The following ELAVL4 variants were observed in gnomAD, a reference collection of about 807,000 sequenced individuals.
ELAVL4 encodes ELAV like RNA binding protein 4, also known as ELAV-like protein 4.
ELAVL4 carries 1 observed loss-of-function variant against 35.6 expected under a neutral mutation model. The ratio of observed to expected loss-of-function variants is 0.03; its 90% CI spans 0.01 to 0.13. ELAVL4 has a LOEUF of 0.13. Ranked by LOEUF, ELAVL4 falls within the 10% of genes least tolerant of loss-of-function variation. ELAVL4 has a pLI of 1.00. For missense variants in ELAVL4, 267 were observed against 464.9 expected (o/e 0.57, Z 3.91); for synonymous variants, 156 against 171.0 (o/e 0.91, Z 0.69).
At chr1:50,131,474 A>G (rs1468617916) in intron 1 of ELAVL4, among the ~76,000 whole-genome samples, 2 of 152,052 alleles carry the variant, frequency 1.3e-5, no homozygotes, top group East Asian at 1.9e-4. Flanking sequence ...AAAAATACAT[A>G]CAGTAGGAGT....
At chr1:50,140,104 C>A (rs1307511870) in intron 1 of ELAVL4, among the ~76,000 whole-genome samples, 1 of 152,192 alleles carries the variant, frequency 6.6e-6, no homozygotes, top group African/African-American at 2.4e-5. Flanking sequence ...ATGATCTATC[C>A]TGGATGCTGA....
intron 1 of ELAVL4, among the ~76,000 whole-genome samples, chr1:50,116,789 A>G (rs1355668342): frequency 6.6e-6 from 1 of 152,086 alleles, no homozygotes; most frequent in African/African-American, 2.4e-5. Context: ...TGTGATTTTT[A>G]CCAGATTTGA....
At chr1:50,048,525 C>T (rs1572087694) in intron 1 of ELAVL4, among the ~76,000 whole-genome samples, 2 of 152,310 alleles carry the variant, frequency 1.3e-5, no homozygotes, top group East Asian at 3.9e-4. Context: ...CCGCAGCAGC[C>T]CCGCGCCACT....
rs571805642 is a variant in ELAVL4 at position 50,116,201 on chromosome 1, G to A, written c.9+7003G>A. 2.0e-5 allele frequency among the ~76,000 whole-genome samples: 3 copies of A among 152,114 alleles called. No individual in the cohort carries two copies. The South Asian group carries it at 6.2e-4, about 32-fold the overall frequency. On this transcript the variant is annotated intron_variant, in intron 1 of 6. Coordinates refer to ENST00000371824, the MANE Select transcript of ELAVL4 (RefSeq NM_001144774.3). ...AGTCAGCAGCCCATGAAGCTTGGCT[G>A]AAACTGGTTAATTTTACAGAAACAC...
chr1:50,086,825 G>C (rs1344589731), intron 1 of ELAVL4, among the ~76,000 whole-genome samples: 1 of 152,024 alleles, frequency 6.6e-6, no homozygotes, highest in Non-Finnish European at 1.5e-5. Context: ...AGAGAGGGGT[G>C]GTTGTGTATT....
chr1:50,119,094 A>AG, intron 1 of ELAVL4, among the ~76,000 whole-genome samples: 1 of 105,514 alleles, frequency 9.5e-6, no homozygotes, highest in Non-Finnish European at 2.0e-5. Context: ...GAAAGAAAGA[A>AG]AAAGAAAAAG....
Position 50,057,377 on chromosome 1 carries a change from C to A in ELAVL4, c.18+9195C>A, listed in dbSNP as rs919055848. On this transcript the variant is annotated intron_variant, in intron 1 of 6. Coordinates refer to the ELAVL4 transcript ENST00000448907. ...GTTAATTTATTATTAAAAGAAAAAA[C>A]ATTTTTATAAATTCAGTGTAGCCTA... Among the ~76,000 whole-genome samples the A allele has an allele frequency of 6.2e-4, 94 of 151,936 alleles. 1 individual carries two copies. The highest frequency in any genetic ancestry group is 2.2e-3 in the African/African-American group (91 of 41,382).
chr1:50,189,393 G>A (rs1240635564), intron 3 of ELAVL4, among the ~76,000 whole-genome samples: 2 of 152,250 alleles, frequency 1.3e-5, no homozygotes, highest in African/African-American at 4.8e-5. Flanking sequence ...GACAACGCCT[G>A]CTTTACCCAC....
intron 3 of ELAVL4, among the ~76,000 whole-genome samples, chr1:50,182,068 T>G (rs936770510): frequency 3.3e-4 from 51 of 152,360 alleles, no homozygotes; most frequent in South Asian, 4.1e-4. Flanking sequence ...TTCCTGGTAC[T>G]CCTTGACCCC....
intron 1 of ELAVL4, among the ~76,000 whole-genome samples, chr1:50,097,501 G>C (rs906671941): frequency 7.2e-5 from 11 of 152,180 alleles, no homozygotes; most frequent in Non-Finnish European, 1.6e-4. Context: ...ACTCAAGAAG[G>C]TTCTGGTCCA....
At chr1:50,084,986 C>A (rs934005829) in intron 1 of ELAVL4, among the ~76,000 whole-genome samples, 1 of 152,138 alleles carries the variant, frequency 6.6e-6, no homozygotes, top group Non-Finnish European at 1.5e-5. Flanking sequence ...ATATAAAACA[C>A]TTTCTCTATC....
intron 2 of ELAVL4, among the ~76,000 whole-genome samples, chr1:50,150,188 G>A (rs1476017245): frequency 1.3e-5 from 2 of 152,138 alleles, no homozygotes; most frequent in Admixed American, 1.3e-4. Flanking sequence ...ATGAAGTTAA[G>A]CATACCAAAA....
chr1:50,119,050 AAGAAAGAAAG>A (rs1668533217), intron 1 of ELAVL4, among the ~76,000 whole-genome samples: 1 of 123,762 alleles, frequency 8.1e-6, no homozygotes, highest in African/African-American at 3.3e-5. Context: ...GAAAGAAAGA[AAGAAAGAAAG>A]AAAGAAAGAA....
At chr1:50,078,493 A>G (rs2148493838) in intron 1 of ELAVL4, among the ~76,000 whole-genome samples, 1 of 152,148 alleles carries the variant, frequency 6.6e-6, no homozygotes, top group Admixed American at 6.5e-5. Context: ...GGCCCATTTT[A>G]CAGATGTCAA....
chr1:50,080,751 C>T lies in ELAVL4; in HGVS notation c.18+32569C>T, dbSNP rs117965580. 2.5e-4 allele frequency among the ~76,000 whole-genome samples: 38 copies of T among 152,286 alleles called. No homozygotes were observed. The East Asian group carries it at 7.3e-3, about 29-fold the overall frequency. ...CAGTTCAGATGTTACCTCCACTGGA[C>T]AGCCTTCCCTGGCTTCCCCACAATG... On this transcript the variant is annotated intron_variant, in intron 1 of 6. Coordinates refer to the ELAVL4 transcript ENST00000448907.
At chr1:50,107,134 G>A (rs771067035), upstream of ELAVL4, among the ~76,000 whole-genome samples, 2 of 152,148 alleles carry the variant, frequency 1.3e-5, no homozygotes, top group African/African-American at 2.4e-5. Context: ...CCTACTCTGT[G>A]TATATATGCT....
In ELAVL4 at chr1:50,146,005, G is replaced by A. The variant is rs555381681; in HGVS notation, c.250+808G>A. 2.0e-5 allele frequency among the ~76,000 whole-genome samples: 3 copies of A among 152,270 alleles called. No homozygotes were observed. In the South Asian group the frequency reaches 6.2e-4, roughly 32 times the overall value. On this transcript the variant is annotated intron_variant, in intron 2 of 6. Transcript: ENST00000371824. ...GAGAATATTTTCTTGGAATATATTA[G>A]GCTACATAATGATGGCAGTGAAGCT...
intron 2 of ELAVL4, among the ~76,000 whole-genome samples, chr1:50,165,951 C>T (rs866349972): frequency 2.0e-5 from 3 of 152,028 alleles, no homozygotes; most frequent in Middle Eastern, 3.4e-3. Flanking sequence ...AACAGAAGAA[C>T]TTGGAGTCCG....
intron 1 of ELAVL4, among the ~76,000 whole-genome samples, chr1:50,132,916 AT>A (rs1221450987): frequency 6.6e-6 from 1 of 152,128 alleles, no homozygotes; most frequent in Non-Finnish European, 1.5e-5. Context: ...AGTGTTTTTT[AT>A]TTTTCCCTCC....
Sources: allele counts gnomAD v4.1 joint callset (sites outside exome capture counted in the v4.1 genomes callset), GRCh38; gene constraint gnomAD v4.1.1; transcripts MANE v1.5; gene names NCBI Gene and HGNC (gene_info 2026-07-23, HGNC 2026-07-21).